The following DLGAP2 variants were observed in gnomAD, a reference collection of about 807,000 sequenced individuals.
DLGAP2 encodes the protein DLG associated protein 2.
A neutral mutation model predicts 100.3 loss-of-function variants in DLGAP2; 26 were observed. The observed-to-expected ratio is 0.26, with a 90% CI of 0.19 to 0.36. The LOEUF is 0.36. Ranked by LOEUF, DLGAP2 falls within the 10% of genes least tolerant of loss-of-function variation. DLGAP2 has a pLI of 1.00. For synonymous variants in DLGAP2, 886 were observed against 630.1 expected (o/e 1.41, Z -6.08); for missense variants, 1,858 against 1,453.2 (o/e 1.28, Z -4.53).
intron 3 of DLGAP2, among the ~76,000 whole-genome samples, chr8:1,366,221 A>G (rs538681757): frequency 9.8e-5 from 15 of 152,330 alleles, no homozygotes; most frequent in African/African-American, 3.4e-4. Context: ...TGTACTGTCA[A>G]TATTCATGCA....
At chr8:1,261,677 A>C (rs1044523144) in intron 3 of DLGAP2, among the ~76,000 whole-genome samples, 8 of 152,212 alleles carry the variant, frequency 5.3e-5, no homozygotes, top group African/African-American at 1.9e-4. Context: ...CAGTTGCTCC[A>C]GATCAGGGAG....
intron 1 of DLGAP2, among the ~76,000 whole-genome samples, chr8:762,893 G>T (rs1317455274): frequency 6.6e-6 from 1 of 152,090 alleles, no homozygotes; most frequent in Non-Finnish European, 1.5e-5. Context: ...GCTCAGGCTG[G>T]TCTCCTACTC....
intron 2 of DLGAP2, among the ~76,000 whole-genome samples, chr8:1,227,830 A>G (rs973506626): frequency 2.6e-5 from 4 of 152,180 alleles, no homozygotes; most frequent in African/African-American, 7.2e-5. Context: ...CTATCATACA[A>G]CAGGAGAATT....
intron 2 of DLGAP2, among the ~76,000 whole-genome samples, chr8:1,079,865 T>C (rs1188469423): frequency 1.3e-5 from 2 of 152,198 alleles, no homozygotes; most frequent in Non-Finnish European, 2.9e-5. Context: ...GAGCAGCTTT[T>C]GATTGGACGT....
chr8:875,207 G>T (rs1286641203), intron 1 of DLGAP2, among the ~76,000 whole-genome samples: 8 of 152,102 alleles, frequency 5.3e-5, no homozygotes, highest in Admixed American at 5.2e-4. Flanking sequence ...CTGACAACAT[G>T]CTTCTTTTGA....
At chr8:1,410,449 C>A (rs1430315143) in intron 3 of DLGAP2, among the ~76,000 whole-genome samples, 5 of 152,220 alleles carry the variant, frequency 3.3e-5, no homozygotes, top group Admixed American at 3.3e-4. Context: ...TCACATAATT[C>A]TGTAGCAGTA....
chr8:1,455,115 G>A lies in DLGAP2; in HGVS notation c.107-46251G>A, dbSNP rs552748070. ...TGCCGTGAGGGGTGGTTTGAGCAATGTAATGAGCTCATGGCAACCCTGTGA... is the reference window on the plus strand; with the variant it reads ...TGCCGTGAGGGGTGGTTTGAGCAATATAATGAGCTCATGGCAACCCTGTGA... On this transcript the variant is annotated intron_variant, in intron 3 of 14. Transcript: ENST00000637795. Among the ~76,000 whole-genome samples, 172 of 152,372 alleles carry A rather than the reference G, an allele frequency of 1.1e-3. 1 individual carries two copies. The highest frequency in any genetic ancestry group is 3.9e-3 in the African/African-American group (161 of 41,584).
intron 4 of DLGAP2, among the ~76,000 whole-genome samples, chr8:1,506,589 G>A (rs1056898180): frequency 3.9e-5 from 6 of 152,156 alleles, no homozygotes; most frequent in East Asian, 1.9e-4. Context: ...CATCCACACT[G>A]CCCAAGACGA....
chr8:1,595,828 A>T (rs1193066604), intron 6 of DLGAP2, among the ~76,000 whole-genome samples: 2 of 152,014 alleles, frequency 1.3e-5, no homozygotes, highest in Admixed American at 1.3e-4. Flanking sequence ...GTGCTAAATG[A>T]AATTGAAATG....
At chr8:1,697,744 A>C (rs774729188) in intron 14 of DLGAP2, among the ~76,000 whole-genome samples, 1 of 152,234 alleles carries the variant, frequency 6.6e-6, no homozygotes, top group East Asian at 1.9e-4. Flanking sequence ...ACCTTCTAGT[A>C]TGGCCACTAT....
chr8:1,334,708 G>T (rs555848844), intron 3 of DLGAP2, among the ~76,000 whole-genome samples: 67 of 152,214 alleles, frequency 4.4e-4, no homozygotes, highest in Middle Eastern at 3.4e-3. Flanking sequence ...CTCCACAGCA[G>T]CCAGGCCGTG....
chr8:835,930 C>T (rs575430570), intron 1 of DLGAP2, among the ~76,000 whole-genome samples: 3 of 152,170 alleles, frequency 2.0e-5, no homozygotes, highest in Non-Finnish European at 4.4e-5. Context: ...TCCATCCCTT[C>T]ATGTATCAAA....
chr8:831,680 G>C (rs942303281), intron 1 of DLGAP2, among the ~76,000 whole-genome samples: 3 of 152,138 alleles, frequency 2.0e-5, no homozygotes, highest in African/African-American at 7.2e-5. Flanking sequence ...AAACATACAT[G>C]TGCATGTGTC....
rs570921292 is a variant in DLGAP2 at position 1,541,794 on chromosome 8, G to C, written c.173-6832G>C. On this transcript the variant is annotated intron_variant, in intron 4 of 14. Transcript: ENST00000637795. ...AACTCAAACTCACATTATCGGGTCA[G>C]TTAACAGATTTACTAATTTATACCT... Among the ~76,000 whole-genome samples the C allele has an allele frequency of 2.6e-5, 4 of 152,346 alleles. No individual in the cohort carries two copies. In the South Asian group the frequency reaches 8.3e-4, roughly 32 times the overall value.
At chr8:1,342,035 C>T (rs921566750) in intron 3 of DLGAP2, among the ~76,000 whole-genome samples, 3 of 152,116 alleles carry the variant, frequency 2.0e-5, no homozygotes, top group South Asian at 2.1e-4. Flanking sequence ...ACTGCAGCCT[C>T]GACCTTCTGG....
intron 4 of DLGAP2, among the ~76,000 whole-genome samples, chr8:1,524,066 C>T (rs1376131379): frequency 1.8e-4 from 28 of 152,264 alleles, no homozygotes; most frequent in Admixed American, 1.4e-3. Context: ...GACGTCGTCC[C>T]GTGTAAGAGT....
At chr8:1,528,543 C>T (rs908693706) in intron 4 of DLGAP2, among the ~76,000 whole-genome samples, 3 of 152,332 alleles carry the variant, frequency 2.0e-5, no homozygotes, top group South Asian at 2.1e-4. Context: ...AGGGCCCACC[C>T]GGGGGCTGGC....
At chr8:1,657,566 G>C (rs145755033) in intron 8 of DLGAP2, among the ~76,000 whole-genome samples, 28 of 152,252 alleles carry the variant, frequency 1.8e-4, no homozygotes, top group Admixed American at 5.9e-4. Flanking sequence ...TTGTTTCCCA[G>C]CCTCCAATTT....
intron 2 of DLGAP2, among the ~76,000 whole-genome samples, chr8:1,172,523 A>G (rs142215503): frequency 0.035 from 5,287 of 152,266 alleles, 140 homozygotes; most frequent in East Asian, 0.15. Flanking sequence ...AGGTGCACCA[A>G]TCAGACGTAG....
Sources: allele counts gnomAD v4.1 joint callset (sites outside exome capture counted in the v4.1 genomes callset), GRCh38; gene constraint gnomAD v4.1.1; transcripts MANE v1.5; gene names NCBI Gene and HGNC (gene_info 2026-07-23, HGNC 2026-07-21).